Variants in SYNE2 observed in about 807,000 individuals in gnomAD.
SYNE2 encodes the protein nesprin-2.
A neutral mutation model predicts 856.3 loss-of-function variants in SYNE2; 431 were observed. The ratio of observed to expected loss-of-function variants is 0.50; its 90% CI spans 0.47 to 0.55. The LOEUF is 0.55. Among genes scored for constraint, SYNE2 ranks in the 20% least tolerant of loss-of-function variants. SYNE2 has a pLI of 0.00. For missense variants in SYNE2, 8,129 were observed against 8,023.2 expected, an observed-to-expected ratio of 1.01 and a Z score of -0.50; for synonymous variants, 2,923 against 2,872.3, an observed-to-expected ratio of 1.02 and a Z score of -0.56.
chr14:64,141,823 G>GAGTA, intron 81 of SYNE2, 119 bp from the exon 82 acceptor site: 1 of 867,484 alleles, frequency 1.2e-6, no homozygotes, highest in Non-Finnish European at 1.7e-6. Context: ...TTTTTTTTTT[G>GAGTA]AGTAACCTGC....
At chr14:63,773,319 G>A (rs1326173839) in intron 1 of SYNE2, among the ~76,000 whole-genome samples, 1 of 151,640 alleles carries the variant, frequency 6.6e-6, no homozygotes, top group Non-Finnish European at 1.5e-5. Flanking sequence ...CCCACCTCAG[G>A]CCCCTAAGTA....
Position 63,893,904 on chromosome 14 carries a change from C to G in SYNE2, c.-51-15194C>G, listed in dbSNP as rs1378777600. 2.0e-5 allele frequency among the ~76,000 whole-genome samples: 3 copies of G among 152,270 alleles called. No individual in the cohort carries two copies. In the East Asian group the frequency reaches 5.8e-4, roughly 29 times the overall value. On this transcript the variant is annotated intron_variant, in intron 1 of 115. Coordinates refer to ENST00000555002, the MANE Select transcript of SYNE2 (RefSeq NM_182914.3). The stretch of plus-strand genomic sequence containing the variant: ...AAAATGCCTGGAAGGGTCTAACGAG[C>G]TAGGCGATGGGAGTCAAGGCTCCAG...
intron 98 of SYNE2, chr14:64,188,914 A>T (rs930333074): frequency 1.4e-6 from 1 of 709,446 alleles, no homozygotes; most frequent in Admixed American, 2.0e-5. Flanking sequence ...GACCATTGTC[A>T]GTGGGCATGG....
At chr14:63,777,967 C>T (rs536906651) in intron 1 of SYNE2, among the ~76,000 whole-genome samples, 21 of 152,188 alleles carry the variant, frequency 1.4e-4, no homozygotes, top group African/African-American at 4.6e-4. Flanking sequence ...CATGCCTGAC[C>T]GAGAGTAGAT....
chr14:64,016,664 T>C, intron 33 of SYNE2, 33 bp downstream of exon 33: 1 of 1,453,404 alleles, frequency 6.9e-7, no homozygotes, highest in South Asian at 1.2e-5. Flanking sequence ...GCAAATTTAA[T>C]TTTGTTTCCA....
chr14:64,178,255 G>A (rs1056930747), intron 96 of SYNE2, among the ~76,000 whole-genome samples: 1 of 152,130 alleles, frequency 6.6e-6, no homozygotes, highest in African/African-American at 2.4e-5. Flanking sequence ...AATGTCTGAT[G>A]TGCTAAAAGG....
At position 63,829,766 on chromosome 14, in the gene SYNE2, A is replaced by C. The variant is rs532660361; in HGVS notation, c.-304-22735A>C. On this transcript the variant is annotated intron_variant, in intron 1 of 23. Coordinates refer to the SYNE2 transcript ENST00000674003. ...CTCCCAAATAGCTGGGACTACAGAC[A>C]TGCACTGCCCCAGATAATTTTTTTT... Among the ~76,000 whole-genome samples, 99 of 152,154 alleles carry C rather than the reference A, an allele frequency of 6.5e-4. 1 individual carries two copies. The highest frequency in any genetic ancestry group is 2.3e-3 in the African/African-American group (96 of 41,534).
At chr14:64,123,038 A>G (rs8021831) in intron 70 of SYNE2, among the ~76,000 whole-genome samples, 36,052 of 150,758 alleles carry the variant, frequency 0.24, 7,095 homozygotes, top group African/African-American at 0.55. Context: ...GGCGGAGGTT[A>G]TGGTGAGCTG....
intron 70 of SYNE2, among the ~76,000 whole-genome samples, chr14:64,123,873 C>T (rs1050070814): frequency 9.9e-5 from 15 of 150,754 alleles, no homozygotes; most frequent in African/African-American, 3.7e-4. Context: ...TGATTTCACA[C>T]ACACACACAC....
intron 30 of SYNE2, among the ~76,000 whole-genome samples, chr14:64,004,934 G>A (rs2096784760): frequency 6.6e-6 from 1 of 152,220 alleles, no homozygotes; most frequent in South Asian, 2.1e-4. Context: ...GATTGCTATT[G>A]AACAGGGTAA....
chr14:63,932,251 G>A (rs1341823467), intron 2 of SYNE2, among the ~76,000 whole-genome samples: 4 of 152,028 alleles, frequency 2.6e-5, no homozygotes, highest in Admixed American at 2.6e-4. Flanking sequence ...GCGTGGTGAT[G>A]AGTGCCTGTA....
At chr14:64,091,136 A>G (rs1343616317) in intron 60 of SYNE2, 88 bp downstream of exon 60, 23 of 1,197,300 alleles carry the variant, frequency 1.9e-5, no homozygotes, top group Admixed American at 7.5e-5. Flanking sequence ...GAAATTCATT[A>G]TTATCCTATT....
intron 85 of SYNE2, among the ~76,000 whole-genome samples, chr14:64,158,285 G>C (rs962366981): frequency 2.1e-4 from 32 of 152,190 alleles, no homozygotes; most frequent in Non-Finnish European, 4.3e-4. Context: ...GGTCCAATAA[G>C]TTGCCCAAGG....
chr14:63,844,377 T>G (rs539096303), intron 1 of SYNE2, among the ~76,000 whole-genome samples: 1 of 152,326 alleles, frequency 6.6e-6, no homozygotes, highest in South Asian at 2.1e-4. Flanking sequence ...CTGAATAATA[T>G]TCAATTGTCT....
chr14:64,052,652 G>A lies in SYNE2; in HGVS notation c.8739G>A (p.Leu2913=). 6.2e-7 allele frequency: 1 copy of A among 1,613,848 alleles called. No individual in the cohort carries two copies. Residue 2913 remains leucine (L), a synonymous_variant, in exon 48 of 116, where the codon CTG becomes CTA. Transcript: ENST00000555002. Reference sequence around the variant, plus strand: ...TGAATGTGTTTGAAAGATTATTTCTGGAAGATCAGTTGAAAAATCTTAAGA... The same window carrying A: ...TGAATGTGTTTGAAAGATTATTTCTAGAAGATCAGTTGAAAAATCTTAAGA... ...EELNVFERLF[L]EDQLKNLKIR... is the part of the protein sequence containing the mutation.
chr14:64,061,114 G>T (rs1304129804), intron 49 of SYNE2, among the ~76,000 whole-genome samples: 3 of 152,106 alleles, frequency 2.0e-5, no homozygotes, highest in Non-Finnish European at 2.9e-5. Context: ...GTAATTTTTG[G>T]TTTTTATGAA....
At chr14:64,147,461 C>T (rs765566880) in intron 84 of SYNE2, among the ~76,000 whole-genome samples, 1 of 152,180 alleles carries the variant, frequency 6.6e-6, no homozygotes, top group Non-Finnish European at 1.5e-5. Flanking sequence ...TGGTCCCTCA[C>T]CTACAAAGAG....
At chr14:64,063,259 G>C (rs935191131) in intron 50 of SYNE2, among the ~76,000 whole-genome samples, 2 of 152,144 alleles carry the variant, frequency 1.3e-5, no homozygotes, top group African/African-American at 4.8e-5. Context: ...TGTTGACCAG[G>C]CTGCTCTTGA....
At chr14:64,001,336 G>T (rs143613508) in intron 28 of SYNE2, among the ~76,000 whole-genome samples, 2 of 152,158 alleles carry the variant, frequency 1.3e-5, no homozygotes, top group Non-Finnish European at 1.5e-5. Context: ...AAAGAGAAAG[G>T]CTTAGTATGT....
Sources: gnomAD v4.1 joint callset for allele counts (sites outside exome capture counted in the v4.1 genomes callset) on GRCh38, gnomAD v4.1.1 for gene constraint, MANE v1.5 for transcripts, NCBI Gene and HGNC (gene_info 2026-07-23, HGNC 2026-07-21) for gene names.